The following IREB2 variants were observed in gnomAD, a reference collection of about 807,000 sequenced individuals.
The protein encoded by IREB2 is iron responsive element binding protein 2.
Under a neutral mutation model 118.8 loss-of-function variants are expected in IREB2, and 39 were observed. That is an observed-to-expected ratio of 0.33 (90% CI 0.25 to 0.43). The LOEUF is 0.43. IREB2 is among the 20% of genes least tolerant of loss of function. The probability of loss-of-function intolerance (pLI) is 1.00; values close to 1 mark genes in which losing one functional copy is unlikely to be tolerated. For synonymous variants in IREB2, 372 were observed against 392.2 expected, an observed-to-expected ratio of 0.95 and a Z score of 0.61; for missense variants, 900 against 1,147.3, an observed-to-expected ratio of 0.78 and a Z score of 3.11.
In IREB2 at chr15:78,471,824, A is replaced by G. The variant is rs749072103; in HGVS notation, c.783A>G (p.Ser261=). 46 of 1,613,574 alleles carry G rather than the reference A, an allele frequency of 2.9e-5. No individual in the cohort carries two copies. Among genetic ancestry groups the G allele is most frequent in the Admixed American group, 6.7e-5 (4 of 59,988 alleles). ...ATCAAATAAACTTAGAATATTTGTC[A>G]AGAGTGGTTTTTGAAGAAAAAGACC... is the stretch of plus-strand genomic sequence containing the variant. ...MAHQINLEYL[S]RVVFEEKDLL... is the part of the protein sequence containing the mutation. The change falls in exon 7 of 22, where the codon TCA becomes TCG. Residue 261 remains serine, a synonymous_variant. Coordinates refer to ENST00000258886, the MANE Select transcript of IREB2 (RefSeq NM_004136.4).
intron 2 of IREB2, among the ~76,000 whole-genome samples, chr15:78,458,358 T>C (rs2051139849): frequency 6.6e-6 from 1 of 152,170 alleles, no homozygotes; most frequent in Non-Finnish European, 1.5e-5. Flanking sequence ...GTGGGGAATG[T>C]TGATAGTGTG....
At chr15:78,489,202 A>G (rs1392890180) in intron 16 of IREB2, among the ~76,000 whole-genome samples, 1 of 151,544 alleles carries the variant, frequency 6.6e-6, no homozygotes, top group Non-Finnish European at 1.5e-5. Context: ...AGCCTGGGCA[A>G]CAAGAGTGCA....
intron 20 of IREB2, among the ~76,000 whole-genome samples, chr15:78,494,545 G>A (rs913498366): frequency 1.3e-5 from 2 of 152,020 alleles, no homozygotes; most frequent in South Asian, 4.1e-4. Flanking sequence ...TTAAACTATT[G>A]TTTTATAATT....
intron 21 of IREB2, among the ~76,000 whole-genome samples, chr15:78,497,535 A>G (rs1302853388): frequency 1.3e-5 from 2 of 152,158 alleles, no homozygotes; most frequent in Admixed American, 1.3e-4. Flanking sequence ...AAAAGAACAC[A>G]TGAAGGGGAA....
intron 10 of IREB2, 66 bp from the exon 11 acceptor site, chr15:78,483,252 T>C: frequency 1.3e-6 from 1 of 759,256 alleles, no homozygotes; most frequent in South Asian, 1.6e-5. Flanking sequence ...AAAGTAATGC[T>C]TCAATTGGAA....
intron 5 of IREB2, among the ~76,000 whole-genome samples, chr15:78,468,293 G>A (rs534067188): frequency 6.6e-6 from 1 of 152,098 alleles, no homozygotes; most frequent in Admixed American, 6.5e-5. Flanking sequence ...CCCAGGCTGA[G>A]GTGCCGTGGC....
intron 8 of IREB2, chr15:78,475,987 G>A (rs1239691791): frequency 5.0e-6 from 2 of 397,998 alleles, no homozygotes; most frequent in Non-Finnish European, 8.9e-6. Flanking sequence ...GATTAACAGT[G>A]ACATTGGACC....
chr15:78,455,728 C>T (rs2034944024), intron 2 of IREB2, among the ~76,000 whole-genome samples: 2 of 152,174 alleles, frequency 1.3e-5, no homozygotes, highest in South Asian at 4.1e-4. Flanking sequence ...TCTGCATCTG[C>T]CCCTTAGTCC....
chr15:78,438,609 C>T lies in IREB2; in HGVS notation c.19+253C>T, dbSNP rs978496504. On this transcript the variant is annotated intron_variant, in intron 1 of 21. Coordinates refer to ENST00000258886, the MANE Select transcript of IREB2 (RefSeq NM_004136.4). ...CCCCACCGCTGGCCTTGACCCGCAC[C>T]CCTCTCTCTCCGGTGGCCGCTGCCT... 29 of 500,842 alleles carry T rather than the reference C, an allele frequency of 5.8e-5. 1 individual carries two copies. The South Asian group carries it at 6.2e-4, about 11-fold the overall frequency. 31.0% of individuals were successfully genotyped at this position (500,842 alleles called of 1,614,324 possible).
intron 8 of IREB2, chr15:78,475,078 A>C (rs1235549760): frequency 6.6e-6 from 1 of 151,440 alleles, no homozygotes; most frequent in Non-Finnish European, 1.5e-5. Flanking sequence ...AAAAAAAAAA[A>C]AAAAAAAACC....
chr15:78,486,820 C>A (rs1046045704), intron 13 of IREB2, among the ~76,000 whole-genome samples: 13 of 152,056 alleles, frequency 8.5e-5, no homozygotes, highest in Admixed American at 5.2e-4. Flanking sequence ...CAGGTGTGCA[C>A]CACCACACCC....
intron 2 of IREB2, among the ~76,000 whole-genome samples, chr15:78,461,368 C>T (rs1359249922): frequency 1.3e-5 from 2 of 151,978 alleles, no homozygotes; most frequent in African/African-American, 2.4e-5. Context: ...TAGTAAAGAG[C>T]CTTACCCTTC....
In IREB2 at chr15:78,463,002, G is replaced by C; in HGVS notation, c.187G>C (p.Val63Leu). Residue 63 changes from valine to leucine, a missense_variant, in exon 3 of 22, where the codon GTT becomes CTT. Transcript: ENST00000258886. ...TGGCTTTTTAATGAAGAAGGAAGAT[G>C]TTATGAACATTTTAGACTGGAAAAC... ...CDGFLMKKED[V>L]MNILDWKTKQ... is the part of the protein sequence containing the mutation. 6.2e-7 allele frequency: 1 copy of C among 1,613,698 alleles called. No individual in the cohort carries two copies. Among genetic ancestry groups the C allele is most frequent in the Admixed American group, 1.7e-5 (1 of 59,908 alleles).
intron 2 of IREB2, among the ~76,000 whole-genome samples, chr15:78,450,815 T>C (rs561520007): frequency 2.0e-5 from 3 of 146,612 alleles, no homozygotes; most frequent in East Asian, 2.0e-4. Flanking sequence ...TGTGGTGATA[T>C]TAACAAATTT....
chr15:78,470,689 CTTTT>C (rs67871183), intron 6 of IREB2, 88 bp downstream of exon 6: 505 of 209,408 alleles, frequency 2.4e-3, no homozygotes, highest in East Asian at 3.7e-3. Flanking sequence ...TTTTCTTTTC[CTTTT>C]TTTTTTTTTT....
At chr15:78,437,948 C>T (rs1303471288), upstream of IREB2, among the ~76,000 whole-genome samples, 1 of 152,366 alleles carries the variant, frequency 6.6e-6, no homozygotes, top group South Asian at 2.1e-4. Flanking sequence ...CGCTCGAATT[C>T]ATGACCCCAA....
chr15:78,490,864 C>G (rs113977184), intron 18 of IREB2, 103 bp downstream of exon 18: 98 of 1,071,440 alleles, frequency 9.1e-5, no homozygotes, highest in Middle Eastern at 2.6e-4. Context: ...TACATGCTAT[C>G]GTAGGTAATC....
In IREB2 at chr15:78,488,877, A is replaced by G. The variant is rs895230183; in HGVS notation, c.2076+106A>G. Reference sequence around the variant, plus strand: ...AAATTAAAATTACATTATTTTGAATACAGTTTTTAATGTGTAATAGTAAGT... The same window carrying G: ...AAATTAAAATTACATTATTTTGAATGCAGTTTTTAATGTGTAATAGTAAGT... On this transcript the variant is annotated intron_variant, in intron 16 of 21. Transcript: ENST00000258886. 4.3e-6 allele frequency: 3 copies of G among 692,128 alleles called. No individual in the cohort carries two copies. The African/African-American group carries it at 5.7e-5, about 13-fold the overall frequency. The allele number at this position is 692,128 out of a possible 1,614,324, so 42.9% of individuals were successfully genotyped here. A position where few individuals can be genotyped will look rare whatever the true frequency, so the allele number is the denominator to read the frequency against.
chr15:78,485,448 A>G (rs2051642731), intron 12 of IREB2, among the ~76,000 whole-genome samples: 1 of 152,218 alleles, frequency 6.6e-6, no homozygotes, highest in South Asian at 2.1e-4. Flanking sequence ...ACATGTACTT[A>G]TATATGTGCA....
Sources: allele counts gnomAD v4.1 joint callset (sites outside exome capture counted in the v4.1 genomes callset), GRCh38; gene constraint gnomAD v4.1.1; transcripts MANE v1.5; gene names NCBI Gene and HGNC (gene_info 2026-07-23, HGNC 2026-07-21).